The following CCDC73 variants were observed in gnomAD, a reference collection of about 807,000 sequenced individuals.
CCDC73 encodes the protein coiled-coil domain-containing protein 73.
Under a neutral mutation model 116.5 loss-of-function variants are expected in CCDC73, and 95 were observed. The ratio of observed to expected loss-of-function variants is 0.82; its 90% CI spans 0.69 to 0.97. The LOEUF is 0.97. Ranked by LOEUF, CCDC73 falls within the 50% of genes least tolerant of loss-of-function variation. The probability of loss-of-function intolerance (pLI) is 0.00; values close to 1 mark genes in which losing one functional copy is unlikely to be tolerated. For missense variants in CCDC73, 1,066 were observed against 1,206.8 expected (o/e 0.88, Z 1.73); for synonymous variants, 398 against 401.3 (o/e 0.99, Z 0.10).
chr11:32,648,691 A>G (rs1426343645), intron 12 of CCDC73, among the ~76,000 whole-genome samples: 1 of 152,078 alleles, frequency 6.6e-6, no homozygotes, highest in Non-Finnish European at 1.5e-5. Context: ...AGCTGGGATT[A>G]CAGGCATGTG....
intron 1 of CCDC73, among the ~76,000 whole-genome samples, chr11:32,764,746 C>G (rs930880982): frequency 1.2e-4 from 19 of 152,166 alleles, no homozygotes; most frequent in Non-Finnish European, 5.9e-5. Context: ...ATGACAGGAT[C>G]AAATTCACAC....
At chr11:32,671,398 C>CA (rs58075036) in intron 9 of CCDC73, among the ~76,000 whole-genome samples, 6,213 of 122,234 alleles carry the variant, frequency 0.051, 168 homozygotes, top group African/African-American at 0.062. Context: ...AACTTTGCTC[C>CA]AAAAAAAAAA....
At position 32,634,576 on chromosome 11, in the gene CCDC73, A is replaced by G. The variant is rs567428361; in HGVS notation, c.1185+1120T>C. ...AAATGATAAGAAATGGTGAAAGACT[A>G]GTCTCCATTTAAGATGAGAAACAAG... is the stretch of plus-strand genomic sequence containing the variant. On this transcript the variant is annotated intron_variant, in intron 14 of 17. Transcript: ENST00000335185. Among the ~76,000 whole-genome samples the G allele has an allele frequency of 1.2e-3, 185 of 152,346 alleles. 2 individuals carry two copies. The highest frequency in any genetic ancestry group is 2.0e-3 in the Non-Finnish European group (139 of 68,032).
intron 1 of CCDC73, among the ~76,000 whole-genome samples, chr11:32,790,742 G>A (rs1344258936): frequency 3.3e-5 from 5 of 151,982 alleles, no homozygotes; most frequent in Non-Finnish European, 7.4e-5. Flanking sequence ...CTGTATATGT[G>A]TGAAGAGATT....
At chr11:32,676,196 T>C (rs1392858478) in intron 7 of CCDC73, among the ~76,000 whole-genome samples, 175 bp from the exon 8 acceptor site, 1 of 152,236 alleles carries the variant, frequency 6.6e-6, no homozygotes, top group Non-Finnish European at 1.5e-5. Flanking sequence ...TGTTAGGAGA[T>C]ATTTCTAAAT....
chr11:32,759,918 T>C (rs1174758364), intron 2 of CCDC73, among the ~76,000 whole-genome samples, 191 bp downstream of exon 2: 2 of 152,222 alleles, frequency 1.3e-5, no homozygotes, highest in Non-Finnish European at 2.9e-5. Flanking sequence ...GTGCTTTAGT[T>C]TCCAAATTCT....
chr11:32,620,089 G>T (rs552568413), intron 14 of CCDC73, among the ~76,000 whole-genome samples: 2 of 152,278 alleles, frequency 1.3e-5, no homozygotes, highest in Admixed American at 1.3e-4. Context: ...AATGGGTCAG[G>T]AATTCAGGAG....
chr11:32,730,479 C>G (rs577781435), intron 2 of CCDC73, among the ~76,000 whole-genome samples: 5 of 152,122 alleles, frequency 3.3e-5, no homozygotes, highest in Non-Finnish European at 7.3e-5. Context: ...TTTAAAGGTG[C>G]CATTCTATTG....
intron 1 of CCDC73, among the ~76,000 whole-genome samples, chr11:32,774,694 G>T (rs1244217490): frequency 6.6e-6 from 1 of 152,154 alleles, no homozygotes; most frequent in Non-Finnish European, 1.5e-5. Flanking sequence ...ATCTATGGCT[G>T]TATAACAAAT....
chr11:32,773,409 TTGAA>T (rs1251409843), intron 1 of CCDC73, among the ~76,000 whole-genome samples: 1 of 152,150 alleles, frequency 6.6e-6, no homozygotes, highest in African/African-American at 2.4e-5. Context: ...ATTGCACACT[TTGAA>T]TGAGTCAACC....
At chr11:32,746,677 G>C (rs1565091783) in intron 2 of CCDC73, among the ~76,000 whole-genome samples, 1 of 151,682 alleles carries the variant, frequency 6.6e-6, no homozygotes, top group Non-Finnish European at 1.5e-5. Flanking sequence ...TCATTAATTT[G>C]ATCTTCAATC....
At chr11:32,641,473 T>C (rs1855732365) in intron 13 of CCDC73, among the ~76,000 whole-genome samples, 1 of 151,964 alleles carries the variant, frequency 6.6e-6, no homozygotes. Flanking sequence ...ACAACCCTTA[T>C]GATATGTTGT....
chr11:32,678,684 G>C (rs944053312), intron 7 of CCDC73, among the ~76,000 whole-genome samples: 1 of 151,972 alleles, frequency 6.6e-6, no homozygotes, highest in Non-Finnish European at 1.5e-5. Flanking sequence ...AGGAGTTCGA[G>C]ACCAGCCTGG....
At chr11:32,815,718 A>G in the CCDC73 span, among the ~76,000 whole-genome samples, 29 of 152,332 alleles carry the variant, frequency 1.9e-4, no homozygotes, top group African/African-American at 6.5e-4. Context: ...AGATCTCTAC[A>G]TAGGTCCTCA....
chr11:32,642,148 G>T, intron 12 of CCDC73, 66 bp from the exon 13 acceptor site: 1 of 1,396,374 alleles, frequency 7.2e-7, no homozygotes. Flanking sequence ...TGTGTTTTAT[G>T]TTGCTTGGAC....
chr11:32,760,007 T>C (rs1364137451), intron 2 of CCDC73, 102 bp downstream of exon 2: 1 of 949,530 alleles, frequency 1.1e-6, no homozygotes, highest in African/African-American at 1.7e-5. Context: ...ATTTTATTTC[T>C]AAACAAGAGG....
chr11:32,723,676 T>G (rs1850009125), intron 2 of CCDC73, among the ~76,000 whole-genome samples: 1 of 152,186 alleles, frequency 6.6e-6, no homozygotes, highest in African/African-American at 2.4e-5. Flanking sequence ...TGACACTTTC[T>G]AAAGGTTATA....
intron 2 of CCDC73, among the ~76,000 whole-genome samples, chr11:32,724,659 A>G (rs1273344803): frequency 6.6e-6 from 1 of 151,934 alleles, no homozygotes; most frequent in African/African-American, 2.4e-5. Flanking sequence ...GATGGATAGC[A>G]CAGAGCTTAT....
intron 6 of CCDC73, among the ~76,000 whole-genome samples, chr11:32,688,527 A>G (rs1856225961): frequency 6.6e-6 from 1 of 152,186 alleles, no homozygotes; most frequent in East Asian, 1.9e-4. Flanking sequence ...GTGAAACTGA[A>G]TGAGTCCTGA....
Sources: allele counts gnomAD v4.1 joint callset (sites outside exome capture counted in the v4.1 genomes callset), GRCh38; gene constraint gnomAD v4.1.1; transcripts MANE v1.5; gene names NCBI Gene and HGNC (gene_info 2026-07-23, HGNC 2026-07-21).